Variants in GLI2 observed in about 807,000 individuals in gnomAD.
GLI2 encodes the protein transcription activator GLI2.
In GLI2, 22 loss-of-function variants were observed where a neutral mutation model predicts 78.9. That is an observed-to-expected ratio of 0.28 (90% CI 0.20 to 0.40). GLI2 has a LOEUF of 0.40. GLI2 is among the 10% of genes least tolerant of loss of function. The pLI is 1.00. For missense variants in GLI2, 2,097 were observed against 2,213.2 expected, an observed-to-expected ratio of 0.95 and a Z score of 1.05; for synonymous variants, 974 against 963.7, an observed-to-expected ratio of 1.01 and a Z score of -0.20.
chr2:120,983,196 G>A (rs752209998), intron 11 of GLI2, among the ~76,000 whole-genome samples: 3 of 152,116 alleles, frequency 2.0e-5, no homozygotes, highest in Non-Finnish European at 2.9e-5. Flanking sequence ...TGAGGTCCTC[G>A]AGAGTTGAAG....
At chr2:120,862,463 T>C (rs1447462849) in intron 2 of GLI2, among the ~76,000 whole-genome samples, 5 of 152,172 alleles carry the variant, frequency 3.3e-5, no homozygotes, top group South Asian at 2.1e-4. Flanking sequence ...GGTATCCGTG[T>C]GACTTCAGGC....
intron 2 of GLI2, among the ~76,000 whole-genome samples, chr2:120,911,183 G>A (rs979169781): frequency 2.6e-5 from 4 of 152,204 alleles, no homozygotes; most frequent in Admixed American, 2.6e-4. Flanking sequence ...CCCATGTCTG[G>A]AATTTCAGAG....
At chr2:120,900,289 G>A (rs370039325) in intron 2 of GLI2, among the ~76,000 whole-genome samples, 9 of 152,184 alleles carry the variant, frequency 5.9e-5, no homozygotes, top group African/African-American at 2.2e-4. Flanking sequence ...AAACTTCAGT[G>A]TGCAAAAGAA....
At chr2:120,806,735 C>T (rs575352875) in intron 2 of GLI2, among the ~76,000 whole-genome samples, 2 of 152,286 alleles carry the variant, frequency 1.3e-5, no homozygotes, top group East Asian at 1.9e-4. Flanking sequence ...GCCGAGGTCC[C>T]GGAGGCTCCA....
At position 120,797,388 on chromosome 2, in the gene GLI2, C is replaced by A; in HGVS notation, c.68C>A (p.Ala23Asp). The A allele has an allele frequency of 6.2e-7, 1 of 1,613,954 alleles. No homozygotes were observed. Among genetic ancestry groups the A allele is most frequent in the Non-Finnish European group, 8.5e-7 (1 of 1,179,858 alleles). The change falls in exon 2 of 14, where the codon GCT becomes GAT. Residue 23 changes from alanine (A) to aspartate (D), a missense_variant. Coordinates refer to ENST00000361492, the MANE Select transcript of GLI2 (RefSeq NM_001374353.1). ...QEAKSGILEA[A>D]GFPDPGKKAS... Reference sequence around the variant, plus strand: ...GCCAAAAGTGGGATCCTGGAGGCCGCTGGCTTCCCCGACCCGGGTAAAAAG... The same window carrying A: ...GCCAAAAGTGGGATCCTGGAGGCCGATGGCTTCCCCGACCCGGGTAAAAAG...
chr2:120,872,205 G>A (rs10168536), intron 2 of GLI2, among the ~76,000 whole-genome samples: 2,570 of 152,346 alleles, frequency 0.017, 81 homozygotes, highest in African/African-American at 0.058. Flanking sequence ...AGGTGAGGTG[G>A]TAGATGTTTC....
chr2:120,769,291 A>G (rs1371852664), intron 1 of GLI2, among the ~76,000 whole-genome samples: 1 of 152,156 alleles, frequency 6.6e-6, no homozygotes, highest in East Asian at 1.9e-4. Flanking sequence ...CAGGCCCCTA[A>G]CTTTTTGGTG....
In GLI2 at chr2:120,990,381, C is replaced by T. The variant is rs759130789; in HGVS notation, c.4416C>T (p.Pro1472=). 5 of 1,614,134 alleles carry T rather than the reference C, an allele frequency of 3.1e-6. No homozygotes were observed. Among genetic ancestry groups the T allele is most frequent in the South Asian group, 1.1e-5 (1 of 91,078 alleles). The change falls in exon 14 of 14, where the codon CCC becomes CCT. Residue 1472 remains proline, a synonymous_variant. Coordinates refer to ENST00000361492, the MANE Select transcript of GLI2 (RefSeq NM_001374353.1). The part of the protein sequence containing the change: ...CQDSIQPQPL[P]SPGVNQVSST... ...ACAGCATCCAGCCCCAGCCCTTGCC[C>T]TCACCAGGGGTCAACCAGGTGTCCA... is the stretch of plus-strand genomic sequence containing the variant.
intron 2 of GLI2, among the ~76,000 whole-genome samples, chr2:120,859,278 G>A (rs188387591): frequency 1.3e-4 from 20 of 152,210 alleles, no homozygotes; most frequent in African/African-American, 3.4e-4. Context: ...TAGGCCTCCC[G>A]CCTGCAAATG....
chr2:120,772,154 A>G (rs1487654278), intron 1 of GLI2, among the ~76,000 whole-genome samples: 1 of 152,152 alleles, frequency 6.6e-6, no homozygotes, highest in Non-Finnish European at 1.5e-5. Flanking sequence ...GAAGGACCCC[A>G]GGGGCTGCTG....
chr2:120,974,779 A>AGTGTGT (rs3043526), intron 8 of GLI2, 196 bp from the exon 9 acceptor site: 28 of 649,228 alleles, frequency 4.3e-5, no homozygotes, highest in African/African-American at 3.6e-4. Context: ...AAGGCTGATG[A>AGTGTGT]GTGTGTGTGT....
At chr2:120,777,276 G>C (rs1363502750) in intron 1 of GLI2, among the ~76,000 whole-genome samples, 1 of 152,112 alleles carries the variant, frequency 6.6e-6, no homozygotes, top group Non-Finnish European at 1.5e-5. Context: ...GTGAGTGAGG[G>C]TGAGAGTGTG....
rs971144548 is a variant in GLI2, at chr2:120,988,596, G to T, written c.2631G>T (p.Ala877=). ...AQQYSLRAKY[A]AATGGPPPTP... is the part of the protein sequence containing the mutation. ...AGTACAGCCTGCGGGCCAAGTACGCGGCAGCCACTGGCGGCCCCCCGCCCA... is the reference window on the plus strand; with the variant it reads ...AGTACAGCCTGCGGGCCAAGTACGCTGCAGCCACTGGCGGCCCCCCGCCCA... Residue 877 remains alanine, a synonymous_variant, in exon 14 of 14, where the codon GCG becomes GCT. Coordinates refer to ENST00000361492, the MANE Select transcript of GLI2 (RefSeq NM_001374353.1). The T allele has an allele frequency of 3.4e-6, 5 of 1,483,260 alleles. No individual in the cohort carries two copies. The highest frequency in any genetic ancestry group is 1.3e-5 in the South Asian group (1 of 79,564). 91.9% of individuals were successfully genotyped at this position (1,483,260 alleles called of 1,614,324 possible).
chr2:120,751,173 C>T (rs1573340878), intron 1 of GLI2, among the ~76,000 whole-genome samples: 2 of 152,352 alleles, frequency 1.3e-5, no homozygotes, highest in South Asian at 4.1e-4. Flanking sequence ...CGGAAGGATC[C>T]CTTGCCCAAA....
intron 2 of GLI2, among the ~76,000 whole-genome samples, chr2:120,839,636 C>A (rs1035997494): frequency 1.4e-4 from 22 of 152,306 alleles, no homozygotes; most frequent in African/African-American, 5.1e-4. Flanking sequence ...GAATTCAGCT[C>A]ACTGCAACCT....
intron 2 of GLI2, among the ~76,000 whole-genome samples, chr2:120,908,660 C>G (rs1368297762): frequency 5.9e-5 from 9 of 152,174 alleles, no homozygotes; most frequent in African/African-American, 2.2e-4. Context: ...CCCCCTGGCT[C>G]CAGCCCCTCC....
At chr2:120,921,592 A>T (rs1410789139) in intron 2 of GLI2, among the ~76,000 whole-genome samples, 2 of 152,174 alleles carry the variant, frequency 1.3e-5, no homozygotes, top group Non-Finnish European at 2.9e-5. Flanking sequence ...TGTGAGACCC[A>T]GAGAAGGGAC....
chr2:120,876,877 C>T (rs1236676821), intron 2 of GLI2, among the ~76,000 whole-genome samples: 1 of 152,254 alleles, frequency 6.6e-6, no homozygotes, highest in African/African-American at 2.4e-5. Flanking sequence ...TTGCACGGCC[C>T]TTTCCGTGTC....
intron 2 of GLI2, among the ~76,000 whole-genome samples, chr2:120,904,735 C>T (rs1014956491): frequency 2.0e-5 from 3 of 152,210 alleles, no homozygotes; most frequent in African/African-American, 7.2e-5. Context: ...CTGTACTGGG[C>T]TGGGTTTTGG....
Sources: allele counts gnomAD v4.1 joint callset (sites outside exome capture counted in the v4.1 genomes callset), GRCh38; gene constraint gnomAD v4.1.1; transcripts MANE v1.5; gene names NCBI Gene and HGNC (gene_info 2026-07-23, HGNC 2026-07-21).